Variants in GPBP1L1 observed in about 807,000 individuals in gnomAD.
GPBP1L1 encodes the protein vasculin-like protein 1.
In GPBP1L1, 23 loss-of-function variants were observed where a neutral mutation model predicts 52.5. That is an observed-to-expected ratio of 0.44 (90% CI 0.32 to 0.62). The LOEUF (loss-of-function observed/expected upper bound fraction) is 0.62, where lower values mean the gene tolerates loss of function less well. Among genes scored for constraint, GPBP1L1 ranks in the 20% least tolerant of loss-of-function variants. GPBP1L1 has a pLI of 0.06. For synonymous variants in GPBP1L1, 243 were observed against 203.1 expected (o/e 1.20, Z -1.67); for missense variants, 596 against 579.3 (o/e 1.03, Z -0.30).
At chr1:45,646,085 T>C (rs551316189) in intron 6 of GPBP1L1, 47 of 461,604 alleles carry the variant, frequency 1.0e-4, no homozygotes, top group African/African-American at 7.8e-4. Flanking sequence ...TCATCACAGC[T>C]AGAAGTTGGA....
chr1:45,650,789 C>T (rs1388828874), intron 6 of GPBP1L1, among the ~76,000 whole-genome samples: 2 of 152,174 alleles, frequency 1.3e-5, no homozygotes, highest in African/African-American at 4.8e-5. Context: ...CAATGTATTA[C>T]TCTCCTTGAG....
At chr1:45,683,197 A>T (rs912908219) in intron 2 of GPBP1L1, among the ~76,000 whole-genome samples, 3 of 137,236 alleles carry the variant, frequency 2.2e-5, no homozygotes, top group African/African-American at 8.0e-5. Flanking sequence ...AAATTTGAAT[A>T]TAGGCCTTTT....
At position 45,634,111 on chromosome 1, in the gene GPBP1L1, C is replaced by G. The variant is rs1194899949; in HGVS notation, c.870G>C (p.Leu290=). ...CCTCACTCACCTCTTTGGGAGAACT[C>G]AGAGCTGCACCACTAGCCAGTACCA... ...KPVVLASGAA[L]SSPKESPSST... Residue 290 remains leucine, a synonymous_variant, in exon 9 of 13, where the codon CTG becomes CTC. Transcript: ENST00000355105. The G allele has an allele frequency of 1.2e-6, 2 of 1,611,536 alleles. No individual in the cohort carries two copies. The highest frequency in any genetic ancestry group is 2.7e-5 in the African/African-American group (2 of 74,988).
intron 2 of GPBP1L1, among the ~76,000 whole-genome samples, chr1:45,673,738 T>A (rs544663240): frequency 3.2e-4 from 48 of 152,276 alleles, no homozygotes; most frequent in African/African-American, 1.2e-3. Flanking sequence ...GGCACATGCC[T>A]GTAATCCCAG....
chr1:45,674,702 TA>T (rs1285454827), intron 2 of GPBP1L1, among the ~76,000 whole-genome samples: 1 of 152,210 alleles, frequency 6.6e-6, no homozygotes, highest in African/African-American at 2.4e-5. Flanking sequence ...TAGACAACAG[TA>T]AACACCTGAT....
At chr1:45,646,162 C>A in intron 6 of GPBP1L1, 1 of 368,336 alleles carries the variant, frequency 2.7e-6, no homozygotes, top group South Asian at 2.1e-5. Flanking sequence ...TGGTGATACT[C>A]TTGAGAGCAA....
intron 6 of GPBP1L1, among the ~76,000 whole-genome samples, chr1:45,653,248 A>C (rs1368316478): frequency 6.6e-6 from 1 of 152,224 alleles, no homozygotes; most frequent in Non-Finnish European, 1.5e-5. Flanking sequence ...ACTTAAAAAC[A>C]GCTAGAGGCT....
intron 2 of GPBP1L1, among the ~76,000 whole-genome samples, chr1:45,663,215 T>C (rs954116430): frequency 6.6e-6 from 1 of 152,146 alleles, no homozygotes; most frequent in Admixed American, 6.6e-5. Flanking sequence ...GTGCGTACTT[T>C]TTATCTTACG....
chr1:45,660,452 TA>T lies in GPBP1L1; in HGVS notation c.-325del. On this transcript the variant is annotated 5_prime_UTR_variant, in exon 3 of 13. Transcript: ENST00000355105. ...GAACATAAAAAGTATTTGTTACATTTAAAAAGGGGGGGAAGGGGAAAGAGCT... is the reference window on the plus strand; with the variant it reads ...GAACATAAAAAGTATTTGTTACATTTAAAAGGGGGGGAAGGGGAAAGAGCT... The T allele has an allele frequency of 1.1e-6, 1 of 924,554 alleles. No homozygotes were observed. The highest frequency in any genetic ancestry group is 1.3e-6 in the Non-Finnish European group (1 of 776,434). 57.3% of individuals were successfully genotyped at this position (924,554 alleles called of 1,614,324 possible).
chr1:45,687,359 T>C (rs982294108), upstream of GPBP1L1: 1 of 152,294 alleles, frequency 6.6e-6, no homozygotes, highest in African/African-American at 2.4e-5. Flanking sequence ...AAGCGCTTAC[T>C]ATTAAGGAAG....
chr1:45,629,876 G>A (rs1353950882), intron 11 of GPBP1L1, among the ~76,000 whole-genome samples, 198 bp from the exon 12 acceptor site: 1 of 124,454 alleles, frequency 8.0e-6, no homozygotes, highest in Non-Finnish European at 2.0e-5. Context: ...TCACAGTTGA[G>A]AGAGGAAGAG....
chr1:45,665,205 G>A (rs903807217), intron 2 of GPBP1L1, among the ~76,000 whole-genome samples: 3 of 152,040 alleles, frequency 2.0e-5, no homozygotes, highest in African/African-American at 7.2e-5. Context: ...CAGGAGAATT[G>A]CTTGAACTCG....
At chr1:45,643,816 C>T (rs572097852) in intron 6 of GPBP1L1, among the ~76,000 whole-genome samples, 7 of 151,776 alleles carry the variant, frequency 4.6e-5, no homozygotes, top group South Asian at 2.1e-4. Flanking sequence ...ATTACAGGTG[C>T]GCACCACCAC....
chr1:45,654,640 C>G lies in GPBP1L1; in HGVS notation c.380G>C (p.Arg127Pro). 1 of 1,614,144 alleles carries G rather than the reference C, an allele frequency of 6.2e-7. No individual in the cohort carries two copies. Among genetic ancestry groups the G allele is most frequent in the South Asian group, 1.1e-5 (1 of 91,086 alleles). Residue 127 changes from arginine (R) to proline (P), a missense_variant, in exon 6 of 13, where the codon CGG becomes CCG. Physicochemically the swap from Arg to Pro is moderately radical, Grantham distance 103. Coordinates refer to ENST00000355105, the MANE Select transcript of GPBP1L1 (RefSeq NM_021639.5). ...CTTTTCCTGAAAAGCACACCCTTTCCGGGAGTGGAAGCTGCCATTCCAATG... is the reference window on the plus strand; with the variant it reads ...CTTTTCCTGAAAAGCACACCCTTTCGGGGAGTGGAAGCTGCCATTCCAATG... Reference protein sequence around the residue: ...HRHWNGSFHSRKGCAFQEKPP... With the variant: ...HRHWNGSFHSPKGCAFQEKPP...
At chr1:45,677,341 GAAAAAAAAA>G (rs35311976) in intron 2 of GPBP1L1, among the ~76,000 whole-genome samples, 6 of 117,544 alleles carry the variant, frequency 5.1e-5, no homozygotes, top group African/African-American at 1.3e-4. Context: ...TTCGTCTCAG[GAAAAAAAAA>G]AAAAAAAAAA....
At chr1:45,663,066 C>CAAAAAAAAAAAAAAAAAA (rs1644966043) in intron 2 of GPBP1L1, among the ~76,000 whole-genome samples, 1 of 100,446 alleles carries the variant, frequency 1.0e-5, no homozygotes, top group Non-Finnish European at 2.2e-5. Context: ...AAAAAAAAAG[C>CAAAAAAAAAAAAAAAAAA]AAAAAACCCC....
At chr1:45,662,319 T>G (rs1644956477) in intron 2 of GPBP1L1, among the ~76,000 whole-genome samples, 1 of 152,064 alleles carries the variant, frequency 6.6e-6, no homozygotes, top group Non-Finnish European at 1.5e-5. Context: ...TTAAAAAACA[T>G]TTTTTTGTAG....
intron 12 of GPBP1L1, 122 bp downstream of exon 12, chr1:45,629,454 T>TCCCACCCC: frequency 2.6e-5 from 3 of 115,396 alleles, no homozygotes; most frequent in Non-Finnish European, 4.9e-5. Flanking sequence ...ACTAAGGTAA[T>TCCCACCCC]CCCCCCCCCC....
intron 2 of GPBP1L1, among the ~76,000 whole-genome samples, chr1:45,672,340 C>T (rs1369375407): frequency 4.2e-5 from 5 of 119,552 alleles, no homozygotes; most frequent in African/African-American, 1.5e-4. Flanking sequence ...CCAGCCCAGG[C>T]GACAAAAAAA....
Sources: allele counts gnomAD v4.1 joint callset (sites outside exome capture counted in the v4.1 genomes callset), GRCh38; gene constraint gnomAD v4.1.1; transcripts MANE v1.5; gene names NCBI Gene and HGNC (gene_info 2026-07-23, HGNC 2026-07-21).